The following NTRK2 variants were observed in gnomAD, a reference collection of about 807,000 sequenced individuals.
NTRK2 encodes the protein BDNF/NT-3 growth factors receptor.
A neutral mutation model predicts 94.5 loss-of-function variants in NTRK2; 13 were observed. The observed-to-expected ratio is 0.14, with a 90% CI of 0.09 to 0.22. NTRK2 has a LOEUF of 0.22. Ranked by LOEUF, NTRK2 falls within the 10% of genes least tolerant of loss-of-function variation. The pLI is 1.00. For missense variants in NTRK2, 639 were observed against 1,071.2 expected (o/e 0.60, Z 5.63); for synonymous variants, 372 against 407.4 (o/e 0.91, Z 1.05).
At chr9:84,753,386 TAG>T (rs936167027) in intron 12 of NTRK2, among the ~76,000 whole-genome samples, 15 of 152,278 alleles carry the variant, frequency 9.9e-5, no homozygotes, top group African/African-American at 3.4e-4. Context: ...GGGCTACCCC[TAG>T]AGTTTCTGCT....
chr9:84,892,370 CT>C (rs2076620820), intron 14 of NTRK2, among the ~76,000 whole-genome samples: 1 of 152,188 alleles, frequency 6.6e-6, no homozygotes, highest in South Asian at 2.1e-4. Flanking sequence ...ATCCCCAAAG[CT>C]AACACTGCCA....
chr9:84,724,091 C>A (rs2062270188), intron 7 of NTRK2, 133 bp from the exon 8 acceptor site: 2 of 934,966 alleles, frequency 2.1e-6, no homozygotes, highest in Non-Finnish European at 3.4e-6. Context: ...TTCGCCTGAG[C>A]CCAGTTCAGG....
At chr9:84,736,702 G>A (rs1461766165) in intron 9 of NTRK2, among the ~76,000 whole-genome samples, 1 of 152,178 alleles carries the variant, frequency 6.6e-6, no homozygotes, top group African/African-American at 2.4e-5. Flanking sequence ...TATACCTCAG[G>A]AGTGCTAATG....
chr9:84,835,959 A>G (rs2073847558), intron 12 of NTRK2, among the ~76,000 whole-genome samples: 2 of 152,188 alleles, frequency 1.3e-5, no homozygotes, highest in South Asian at 4.2e-4. Flanking sequence ...GTTGAAGAGT[A>G]AGACAGGATT....
intron 14 of NTRK2, among the ~76,000 whole-genome samples, chr9:84,933,440 G>A (rs898598609): frequency 2.0e-5 from 3 of 152,148 alleles, no homozygotes; most frequent in Non-Finnish European, 4.4e-5. Flanking sequence ...TTGAGCCGTC[G>A]CTGCTCCAGA....
intron 17 of NTRK2, among the ~76,000 whole-genome samples, chr9:84,956,451 T>C (rs1033635393): frequency 8.5e-5 from 13 of 152,306 alleles, no homozygotes; most frequent in South Asian, 2.1e-4. Flanking sequence ...GTTGAAGTTG[T>C]GATATTTAGA....
chr9:84,679,338 C>T (rs374889473), intron 2 of NTRK2, among the ~76,000 whole-genome samples: 1 of 152,166 alleles, frequency 6.6e-6, no homozygotes, highest in Non-Finnish European at 1.5e-5. Context: ...TACAAACAAT[C>T]ATTTGGCTGT....
At chr9:84,733,070 A>G (rs1397661075) in intron 9 of NTRK2, among the ~76,000 whole-genome samples, 1 of 152,098 alleles carries the variant, frequency 6.6e-6, no homozygotes, top group African/African-American at 2.4e-5. Flanking sequence ...CCTATACCCC[A>G]TGGCTGCAGG....
chr9:84,908,273 G>C (rs10512156), intron 14 of NTRK2, among the ~76,000 whole-genome samples: 19,753 of 152,224 alleles, frequency 0.13, 2,157 homozygotes, highest in African/African-American at 0.29. Context: ...AAACTGAGGT[G>C]AAGCACTTGG....
intron 14 of NTRK2, chr9:84,873,015 CA>C: frequency 9.4e-7 from 1 of 1,063,332 alleles, no homozygotes; most frequent in Non-Finnish European, 1.1e-6. Flanking sequence ...TACACATGAG[CA>C]AAAATTCTGA....
chr9:84,910,657 G>C (rs970595765), intron 14 of NTRK2, among the ~76,000 whole-genome samples: 1 of 152,106 alleles, frequency 6.6e-6, no homozygotes, highest in African/African-American at 2.4e-5. Flanking sequence ...CTACAAAATT[G>C]CTTTTACATG....
At position 84,826,446 on chromosome 9, in the gene NTRK2, G is replaced by A. The variant is rs144234314; in HGVS notation, c.1397-34594G>A. ...GTAATTTTTAATAACATTTGCAAAG[G>A]CCCTTATTTCCAAGTAAGATCACTG... On this transcript the variant is annotated intron_variant, in intron 12 of 18. Coordinates refer to ENST00000277120, the MANE Select transcript of NTRK2 (RefSeq NM_006180.6). 1.8e-3 allele frequency among the ~76,000 whole-genome samples: 267 copies of A among 152,194 alleles called. 2 individuals carry two copies. Among genetic ancestry groups the A allele is most frequent in the African/African-American group, 6.2e-3 (256 of 41,516 alleles).
At chr9:84,860,715 A>G (rs1446499094) in intron 12 of NTRK2, among the ~76,000 whole-genome samples, 1 of 152,134 alleles carries the variant, frequency 6.6e-6, no homozygotes, top group Non-Finnish European at 1.5e-5. Context: ...GTGAGAAAGA[A>G]AGAAAACAGC....
intron 12 of NTRK2, among the ~76,000 whole-genome samples, chr9:84,841,960 T>C (rs2074210970): frequency 6.6e-6 from 1 of 152,202 alleles, no homozygotes; most frequent in Non-Finnish European, 1.5e-5. Context: ...AAGAAAAGTG[T>C]CACTGTTAGT....
rs2072310109 is a variant in NTRK2 at position 84,815,522 on chromosome 9, T to TG, written c.1397-45518_1397-45517insG. On this transcript the variant is annotated intron_variant, in intron 12 of 18. Transcript: ENST00000277120. ...TGTGAATCATTCTCATGCCCTGTTT[T>TG]TTTTTTTTTTTTCCTATAATGTTCT... The TG allele has an allele frequency of 4.9e-6, 5 of 1,016,012 alleles. No homozygotes were observed. In the South Asian group the frequency reaches 1.4e-4, roughly 28 times the overall value. 62.9% of individuals were successfully genotyped at this position (1,016,012 alleles called of 1,614,324 possible).
intron 4 of NTRK2, among the ~76,000 whole-genome samples, chr9:84,705,682 A>C (rs567289829): frequency 6.6e-6 from 1 of 151,946 alleles, no homozygotes; most frequent in Non-Finnish European, 1.5e-5. Context: ...TGTTTTAGAA[A>C]GATTGGGACT....
At chr9:84,805,405 G>A (rs1424485046) in intron 12 of NTRK2, among the ~76,000 whole-genome samples, 1 of 152,148 alleles carries the variant, frequency 6.6e-6, no homozygotes, top group African/African-American at 2.4e-5. Flanking sequence ...ACCAAGTCTA[G>A]CACCTTTTCC....
chr9:84,804,002 G>GC (rs2070802453), intron 12 of NTRK2, among the ~76,000 whole-genome samples: 1 of 152,080 alleles, frequency 6.6e-6, no homozygotes, highest in South Asian at 2.1e-4. Context: ...CCACACATAA[G>GC]CCCCCCTGAT....
chr9:85,002,398 T>A (rs1335508305), intron 17 of NTRK2, among the ~76,000 whole-genome samples: 5 of 152,182 alleles, frequency 3.3e-5, no homozygotes, highest in Non-Finnish European at 5.9e-5. Flanking sequence ...ATGCAGAAGC[T>A]TCCCAGGTGC....
Sources: allele counts gnomAD v4.1 joint callset (sites outside exome capture counted in the v4.1 genomes callset), GRCh38; gene constraint gnomAD v4.1.1; transcripts MANE v1.5; gene names NCBI Gene and HGNC (gene_info 2026-07-23, HGNC 2026-07-21).